AP3B1: variants seen among roughly 807,000 people sequenced by gnomAD.
AP3B1 encodes AP-3 complex subunit beta-1.
AP3B1 carries 61 observed loss-of-function variants against 132.5 expected under a neutral mutation model. That is an observed-to-expected ratio of 0.46 (90% confidence interval 0.37 to 0.57). The LOEUF is 0.57. Ranked by LOEUF, AP3B1 falls within the 20% of genes least tolerant of loss-of-function variation. The pLI is 0.00. For synonymous variants in AP3B1, 388 were observed against 438.3 expected (o/e 0.89, Z 1.43); for missense variants, 1,120 against 1,289.4 (o/e 0.87, Z 2.01).
intron 15 of AP3B1, among the ~76,000 whole-genome samples, chr5:78,131,863 T>C (rs535053271): frequency 2.6e-5 from 4 of 152,136 alleles, no homozygotes; most frequent in Admixed American, 6.6e-5. Flanking sequence ...AAAGGTAAAA[T>C]TTTTTGGCAT....
chr5:78,020,654 G>T, intron 25 of AP3B1, 38 bp downstream of exon 25: 1 of 1,432,840 alleles, frequency 7.0e-7, no homozygotes, highest in Non-Finnish European at 9.8e-7. Context: ...CATATTATTT[G>T]GTATGTAAAT....
intron 1 of AP3B1, among the ~76,000 whole-genome samples, chr5:78,272,957 T>C (rs1561213710): frequency 6.6e-6 from 1 of 151,898 alleles, no homozygotes; most frequent in African/African-American, 2.4e-5. Flanking sequence ...TCCATGACAC[T>C]GTAGCTTACA....
rs1752579959 is a variant in AP3B1, at chr5:78,128,977, G to A, written c.1837+144C>T. 11 of 707,526 alleles carry A rather than the reference G, an allele frequency of 1.6e-5. No individual in the cohort carries two copies. In the East Asian group the frequency reaches 3.1e-4, roughly 20 times the overall value. The allele number at this position is 707,526 out of a possible 1,614,324, so 43.8% of individuals were successfully genotyped here. On this transcript the variant is annotated intron_variant, in intron 16 of 26. Transcript: ENST00000255194. ...CTTGCTTTTGAGAGCAGATGAATGA[G>A]TAGAAAGCATGCTGTTCTTATATAT...
At chr5:78,097,230 G>T (rs1750876228) in intron 21 of AP3B1, among the ~76,000 whole-genome samples, 2 of 128,406 alleles carry the variant, frequency 1.6e-5, no homozygotes, top group African/African-American at 6.0e-5. Context: ...CGTCCGGGAG[G>T]GAGGTGGGGG....
At chr5:78,075,626 A>G (rs2112171197) in intron 22 of AP3B1, among the ~76,000 whole-genome samples, 1 of 152,346 alleles carries the variant, frequency 6.6e-6, no homozygotes. Context: ...CAAATGATAA[A>G]AACTGCAGAA....
chr5:78,097,245 A>G (rs1312025153), intron 21 of AP3B1, among the ~76,000 whole-genome samples: 2 of 84,110 alleles, frequency 2.4e-5, no homozygotes, highest in Non-Finnish European at 5.0e-5. Flanking sequence ...TGGGGGGGTC[A>G]GCCCCCCGCC....
intron 2 of AP3B1, among the ~76,000 whole-genome samples, chr5:78,248,722 G>A (rs905479722): frequency 6.6e-6 from 1 of 151,940 alleles, no homozygotes. Flanking sequence ...CCTACACAAC[G>A]TCTATTAACA....
At chr5:78,084,661 G>T (rs1360603838) in intron 22 of AP3B1, among the ~76,000 whole-genome samples, 5 of 151,522 alleles carry the variant, frequency 3.3e-5, no homozygotes, top group African/African-American at 9.7e-5. Context: ...TACAAGTATT[G>T]CTTTTTGGGT....
At chr5:78,139,672 G>A (rs138549939) in intron 15 of AP3B1, among the ~76,000 whole-genome samples, 3 of 152,224 alleles carry the variant, frequency 2.0e-5, no homozygotes, top group East Asian at 3.9e-4. Context: ...TTGAGGAATC[G>A]ACCTAAGGAT....
At chr5:78,207,934 G>T (rs1253228084) in intron 7 of AP3B1, among the ~76,000 whole-genome samples, 1 of 152,074 alleles carries the variant, frequency 6.6e-6, no homozygotes, top group Non-Finnish European at 1.5e-5. Flanking sequence ...TAATCCAAGA[G>T]CCCAGGTAAA....
At chr5:78,096,655 C>T (rs1369033122) in intron 21 of AP3B1, among the ~76,000 whole-genome samples, 2 of 151,860 alleles carry the variant, frequency 1.3e-5, no homozygotes, top group Non-Finnish European at 2.9e-5. Context: ...CGCCTCTGCC[C>T]GGCCGCGACT....
At chr5:78,291,242 G>A (rs942501870) in intron 1 of AP3B1, among the ~76,000 whole-genome samples, 2 of 152,034 alleles carry the variant, frequency 1.3e-5, no homozygotes, top group Middle Eastern at 3.4e-3. Flanking sequence ...AGAGCTCTAG[G>A]CCAAGAAGCC....
chr5:78,037,625 T>A (rs905579529), intron 23 of AP3B1, among the ~76,000 whole-genome samples: 2 of 152,044 alleles, frequency 1.3e-5, no homozygotes, highest in Non-Finnish European at 1.5e-5. Flanking sequence ...GAGGAGAAAA[T>A]TCAGCAATGC....
chr5:78,189,995 T>C (rs1283989052), intron 7 of AP3B1, among the ~76,000 whole-genome samples: 1 of 151,448 alleles, frequency 6.6e-6, no homozygotes, highest in Non-Finnish European at 1.5e-5. Flanking sequence ...AAGAGTAATT[T>C]TCTTTCATTA....
At chr5:78,227,309 T>C in intron 5 of AP3B1, 63 bp downstream of exon 5, 3 of 1,528,470 alleles carry the variant, frequency 2.0e-6, no homozygotes, top group Non-Finnish European at 9.1e-7. Context: ...AACAAGCCTC[T>C]GTGGTCTATA....
intron 15 of AP3B1, 85 bp from the exon 16 acceptor site, chr5:78,129,392 A>G: frequency 6.2e-6 from 7 of 1,128,954 alleles, no homozygotes; most frequent in Non-Finnish European, 9.3e-6. Flanking sequence ...AAGAGGTAAT[A>G]AAAATGAATG....
At chr5:78,066,028 A>C (rs969633482) in intron 22 of AP3B1, among the ~76,000 whole-genome samples, 39 of 152,154 alleles carry the variant, frequency 2.6e-4, no homozygotes, top group Admixed American at 2.2e-3. Flanking sequence ...GGAGGGAGCA[A>C]GGACAATAGG....
At chr5:78,020,115 A>G (rs1747029554) in intron 25 of AP3B1, among the ~76,000 whole-genome samples, 1 of 152,146 alleles carries the variant, frequency 6.6e-6, no homozygotes, top group African/African-American at 2.4e-5. Context: ...ATTTTGCTGA[A>G]AATATTTTCT....
At chr5:78,273,054 C>T (rs917671364) in intron 1 of AP3B1, among the ~76,000 whole-genome samples, 1 of 152,060 alleles carries the variant, frequency 6.6e-6, no homozygotes, top group Non-Finnish European at 1.5e-5. Flanking sequence ...CATATACACA[C>T]ACACAAGTAC....
Sources: allele counts gnomAD v4.1 joint callset (sites outside exome capture counted in the v4.1 genomes callset), GRCh38; gene constraint gnomAD v4.1.1; transcripts MANE v1.5; gene names NCBI Gene and HGNC (gene_info 2026-07-23, HGNC 2026-07-21).